Variants in RASSF5 observed in about 807,000 individuals in gnomAD.
RASSF5 encodes the protein Ras association domain family member 5.
A neutral mutation model predicts 40.5 loss-of-function variants in RASSF5; 25 were observed. The observed-to-expected ratio is 0.62, with a 90% CI of 0.45 to 0.86. RASSF5 has a LOEUF of 0.86. RASSF5 is among the 40% of genes least tolerant of loss of function. The pLI, the probability that RASSF5 is intolerant of heterozygous loss-of-function variation, is 0.00. For synonymous variants in RASSF5, 246 were observed against 252.4 expected (o/e 0.97, Z 0.24); for missense variants, 521 against 572.8 (o/e 0.91, Z 0.92).
At chr1:206,547,721 T>G (rs1667733650) in intron 2 of RASSF5, among the ~76,000 whole-genome samples, 1 of 152,190 alleles carries the variant, frequency 6.6e-6, no homozygotes, top group Admixed American at 6.5e-5. Context: ...AACCAGTCCC[T>G]GGTGCCAAAA....
Position 206,587,005 on chromosome 1 carries a change from G to A in RASSF5, c.*27G>A, listed in dbSNP as rs1251818801. On this transcript the variant is annotated 3_prime_UTR_variant, in exon 6 of 6. Coordinates refer to ENST00000579436, the MANE Select transcript of RASSF5 (RefSeq NM_182663.4). Reference sequence around the variant, plus strand: ...CGGTCCTGCTTCCTCTCCTCCTGGTGCATTCAGATTTATTTGTATTATTAA... The same window carrying A: ...CGGTCCTGCTTCCTCTCCTCCTGGTACATTCAGATTTATTTGTATTATTAA... The A allele has an allele frequency of 3.1e-6, 5 of 1,613,392 alleles. No individual in the cohort carries two copies. Among genetic ancestry groups the A allele is most frequent in the South Asian group, 1.1e-5 (1 of 90,944 alleles).
rs1553402428 is a variant in RASSF5, at chr1:206,560,475, T to G, written c.579+22182T>G. ...GCCCTGGGCCCTAGCTTGGTCTCTC[T>G]TTTCAGAAAATGGCAGTTTCCTGGG... On this transcript the variant is annotated intron_variant, in intron 2 of 5. Coordinates refer to ENST00000579436, the MANE Select transcript of RASSF5 (RefSeq NM_182663.4). This position sits in a 1 kb window ranked among gnomAD's most constrained non-coding sequence, Gnocchi z 5.1. Among the ~76,000 whole-genome samples the G allele has an allele frequency of 6.6e-6, 1 of 152,246 alleles. No homozygotes were observed. Among genetic ancestry groups the G allele is most frequent in the African/African-American group, 2.4e-5 (1 of 41,470 alleles).
intron 1 of RASSF5, among the ~76,000 whole-genome samples, chr1:206,528,750 A>C (rs1667160884): frequency 6.6e-6 from 1 of 152,178 alleles, no homozygotes; most frequent in Non-Finnish European, 1.5e-5. Flanking sequence ...TAAAAAAATT[A>C]GTGGTAGCCA....
chr1:206,541,236 A>C (rs2103525517), intron 2 of RASSF5, among the ~76,000 whole-genome samples: 1 of 152,362 alleles, frequency 6.6e-6, no homozygotes, highest in African/African-American at 2.4e-5. Context: ...ATTTTCCTCC[A>C]TCCAGAGAGA....
At chr1:206,557,984 G>A (rs1447426642) in intron 2 of RASSF5, among the ~76,000 whole-genome samples, 1 of 152,220 alleles carries the variant, frequency 6.6e-6, no homozygotes, top group Non-Finnish European at 1.5e-5. Context: ...ACCTGTGCCT[G>A]AGTGCACGGT....
chr1:206,518,608 C>T (rs933408488), intron 1 of RASSF5: 10 of 391,582 alleles, frequency 2.6e-5, no homozygotes, highest in African/African-American at 1.2e-4. Context: ...TGGCTTCTCC[C>T]ATAGAAAAGG....
At chr1:206,578,232 AAGTGTGT>A (rs1377040983) in intron 2 of RASSF5, among the ~76,000 whole-genome samples, 153 of 130,516 alleles carry the variant, frequency 1.2e-3, no homozygotes, top group African/African-American at 2.2e-3. Context: ...CAAAAAAAAA[AAGTGTGT>A]GTGTGTGTGT....
intron 2 of RASSF5, among the ~76,000 whole-genome samples, chr1:206,565,457 C>T (rs934956167): frequency 6.6e-6 from 1 of 152,222 alleles, no homozygotes; most frequent in South Asian, 2.1e-4. Flanking sequence ...CTCTGCAGCA[C>T]CTGGCCTCAG....
intron 2 of RASSF5, among the ~76,000 whole-genome samples, chr1:206,541,189 C>T (rs1282492405): frequency 6.6e-6 from 1 of 152,194 alleles, no homozygotes; most frequent in Non-Finnish European, 1.5e-5. Context: ...GCCACTGCGC[C>T]CGGCCCTCTC....
rs994465319 is a variant in RASSF5, at chr1:206,552,605, C to A, written c.579+14312C>A. ...CTGCTCAAGAGTTTGGAATAGGTGG[C>A]GGGAGTCGGTGGAGAAAGGACAATT... On this transcript the variant is annotated intron_variant, in intron 2 of 5. Transcript: ENST00000579436. This position sits in a 1 kb window ranked among gnomAD's most constrained non-coding sequence, Gnocchi z 4.1. 1.3e-5 allele frequency among the ~76,000 whole-genome samples: 2 copies of A among 151,960 alleles called. No homozygotes were observed. Among genetic ancestry groups the A allele is most frequent in the East Asian group, 1.9e-4 (1 of 5,178 alleles).
At chr1:206,508,157 T>A in intron 1 of RASSF5, 98 bp downstream of exon 1, 1 of 956,872 alleles carries the variant, frequency 1.0e-6, no homozygotes, top group Non-Finnish European at 1.4e-6. Context: ...GCCATTACAC[T>A]CTTTGGCTCC....
intron 2 of RASSF5, among the ~76,000 whole-genome samples, chr1:206,568,442 G>A (rs1035127553): frequency 2.0e-5 from 3 of 152,162 alleles, no homozygotes; most frequent in Non-Finnish European, 4.4e-5. Context: ...GCAGGCTGGC[G>A]TCCTGGCTGC....
At chr1:206,578,963 C>A (rs899502908) in intron 2 of RASSF5, among the ~76,000 whole-genome samples, 1 of 152,110 alleles carries the variant, frequency 6.6e-6, no homozygotes, top group African/African-American at 2.4e-5. Context: ...AGGCCCCAGA[C>A]GAAAGGGGTA....
intron 1 of RASSF5, among the ~76,000 whole-genome samples, chr1:206,532,232 TGGAAGGAGAG>T (rs1667261176): frequency 6.6e-6 from 1 of 152,098 alleles, no homozygotes; most frequent in East Asian, 1.9e-4. Flanking sequence ...AGCAGAGCAG[TGGAAGGAGAG>T]GGTAGGGGAT....
At chr1:206,538,637 G>A (rs1667474965) in intron 2 of RASSF5, among the ~76,000 whole-genome samples, 2 of 152,220 alleles carry the variant, frequency 1.3e-5, no homozygotes, top group African/African-American at 4.8e-5. Context: ...CAGTGGGGAT[G>A]CTGGGGCTGA....
intron 2 of RASSF5, among the ~76,000 whole-genome samples, chr1:206,566,643 G>T (rs1553403429): frequency 1.3e-5 from 2 of 152,186 alleles, no homozygotes; most frequent in African/African-American, 4.8e-5. Context: ...GCACAGTGAA[G>T]AGGCACTTGG....
intron 1 of RASSF5, among the ~76,000 whole-genome samples, chr1:206,512,765 G>A (rs1666649966): frequency 6.6e-6 from 1 of 152,184 alleles, no homozygotes; most frequent in South Asian, 2.1e-4. Flanking sequence ...GCAGGTCAGG[G>A]GCCAGAGGCT....
intron 1 of RASSF5, among the ~76,000 whole-genome samples, chr1:206,521,901 C>T (rs1032184896): frequency 3.4e-4 from 51 of 152,156 alleles, no homozygotes; most frequent in African/African-American, 1.2e-3. Flanking sequence ...CATGCCTAGA[C>T]GAGGGGCCCC....
chr1:206,581,896 G>T (rs182735444), intron 2 of RASSF5, among the ~76,000 whole-genome samples: 14 of 152,238 alleles, frequency 9.2e-5, no homozygotes, highest in Non-Finnish European at 1.8e-4. Context: ...GGGCCCTGTT[G>T]TGTTCCGCGG....
Sources: allele counts gnomAD v4.1 joint callset (sites outside exome capture counted in the v4.1 genomes callset), GRCh38; gene constraint gnomAD v4.1.1; non-coding constraint Gnocchi (gnomAD v3.1); transcripts MANE v1.5; gene names NCBI Gene and HGNC (gene_info 2026-07-23, HGNC 2026-07-21).